Variants in PCDHGA5 observed in about 807,000 individuals in gnomAD.
PCDHGA5 encodes the protein protocadherin gamma-A5.
In PCDHGA5, 36 loss-of-function variants were observed where a neutral mutation model predicts 56.7. That is an observed-to-expected ratio of 0.64 (90% confidence interval 0.49 to 0.84). PCDHGA5 has a LOEUF of 0.84. Ranked by LOEUF, PCDHGA5 falls within the 40% of genes least tolerant of loss-of-function variation. The pLI is 0.00. For missense variants in PCDHGA5, 1,305 were observed against 1,201.5 expected, an observed-to-expected ratio of 1.09 and a Z score of -1.27; for synonymous variants, 563 against 520.2, an observed-to-expected ratio of 1.08 and a Z score of -1.12.
rs574905149 is a variant in PCDHGA5 at position 141,400,501 on chromosome 5, G to C, written c.2421+33750G>C. 1 of 1,613,878 alleles carries C rather than the reference G, an allele frequency of 6.2e-7. No homozygotes were observed. The highest frequency in any genetic ancestry group is 1.7e-5 in the Admixed American group (1 of 60,012). On this transcript the variant is annotated intron_variant, in intron 1 of 3. Transcript: ENST00000518069. ...CTTATTTCCACTTTGTAATTCCAGC[G>C]AGTCGACTTCCCATCCTGAGTTGGT...
intron 1 of PCDHGA5, among the ~76,000 whole-genome samples, chr5:141,473,611 G>C (rs2099325261): frequency 6.6e-6 from 1 of 152,140 alleles, no homozygotes; most frequent in Non-Finnish European, 1.5e-5. Context: ...GCAAAGCAAA[G>C]GGAGGGAGGA....
chr5:141,500,870 A>C (rs2099803097), intron 2 of PCDHGA5, among the ~76,000 whole-genome samples: 1 of 139,794 alleles, frequency 7.2e-6, no homozygotes, highest in African/African-American at 2.8e-5. Context: ...ATACACATTC[A>C]TTTACAATTT....
At chr5:141,509,782 C>A (rs2099878218) in intron 3 of PCDHGA5, among the ~76,000 whole-genome samples, 1 of 152,144 alleles carries the variant, frequency 6.6e-6, no homozygotes, top group Admixed American at 6.5e-5. Context: ...TCCCCGAGAT[C>A]ATCATCTCCT....
chr5:141,422,359 G>A, intron 1 of PCDHGA5: 1 of 1,558,858 alleles, frequency 6.4e-7, no homozygotes, highest in Non-Finnish European at 8.6e-7. Flanking sequence ...TCAAGATTCT[G>A]GAGAAAATGG....
At chr5:141,454,838 C>T (rs1472341694) in intron 1 of PCDHGA5, among the ~76,000 whole-genome samples, 7 of 100,814 alleles carry the variant, frequency 6.9e-5, no homozygotes, top group Non-Finnish European at 1.1e-4. Flanking sequence ...GACAGAGTCG[C>T]GCTCTGTCAC....
rs150249178 is a variant in PCDHGA5 at position 141,432,742 on chromosome 5, C to A, written c.2422-62065C>A. 154 of 1,614,076 alleles carry A rather than the reference C, an allele frequency of 9.5e-5. No individual in the cohort carries two copies. In the Middle Eastern group the frequency reaches 1.3e-3, roughly 14 times the overall value. On this transcript the variant is annotated intron_variant, in intron 1 of 3. Transcript: ENST00000518069. This position sits in a 1 kb window ranked among gnomAD's most constrained non-coding sequence, Gnocchi z 6.0. ...CTCTCTCCGCCACTGTCACGCTCAC[C>A]GTGGCCGTGGCCGACAGCATCCCCC... is the stretch of plus-strand genomic sequence containing the variant.
intron 1 of PCDHGA5, chr5:141,475,848 C>T (rs1562050268): frequency 4.4e-6 from 2 of 451,496 alleles, no homozygotes; most frequent in Non-Finnish European, 7.9e-6. Context: ...TCAGAGAGCC[C>T]GGCGCTAGCT....
chr5:141,449,484 A>G (rs1003440539), intron 1 of PCDHGA5, among the ~76,000 whole-genome samples: 2 of 150,848 alleles, frequency 1.3e-5, no homozygotes, highest in Non-Finnish European at 3.0e-5. Context: ...CCCCATGCCT[A>G]AGGGTGAGGC....
intron 1 of PCDHGA5, chr5:141,410,849 CTTTTTTTT>C (rs759346998): frequency 2.0e-4 from 27 of 138,178 alleles, no homozygotes; most frequent in Middle Eastern, 4.3e-3. Context: ...TTGTCTTTGT[CTTTTTTTT>C]TTTTTTTTTT....
intron 1 of PCDHGA5, chr5:141,393,457 C>T (rs780177231): frequency 1.9e-6 from 3 of 1,614,050 alleles, no homozygotes; most frequent in East Asian, 2.2e-5. Flanking sequence ...CTCACGGCCT[C>T]GGATGGCGGC....
chr5:141,427,628 G>A (rs1308356581), intron 1 of PCDHGA5: 2 of 700,966 alleles, frequency 2.9e-6, no homozygotes, highest in Admixed American at 2.0e-5. Flanking sequence ...ACAATGCTCC[G>A]GTTTTCCACC....
chr5:141,414,376 T>G, intron 1 of PCDHGA5: 1 of 1,613,824 alleles, frequency 6.2e-7, no homozygotes, highest in Non-Finnish European at 8.5e-7. Flanking sequence ...ATTAGAAAAG[T>G]CCATTGACAG....
rs147674746 is a variant in PCDHGA5, at chr5:141,477,348, C to G, written c.2422-17459C>G. 7 of 1,614,180 alleles carry G rather than the reference C, an allele frequency of 4.3e-6. No individual in the cohort carries two copies. Among genetic ancestry groups the G allele is most frequent in the Non-Finnish European group, 5.9e-6 (7 of 1,180,030 alleles). ...CTCAAGAATTACTTCACTTTGAAAA[C>G]CAGTGCAGACCTGGATCGGGAGACT... is the stretch of plus-strand genomic sequence containing the variant. On this transcript the variant is annotated intron_variant, in intron 1 of 3. Transcript: ENST00000518069. The surrounding 1 kb of genome is among the most constrained non-coding windows in gnomAD (Gnocchi z 4.9).
At chr5:141,436,384 CT>C (rs768914860) in intron 1 of PCDHGA5, among the ~76,000 whole-genome samples, 1 of 152,104 alleles carries the variant, frequency 6.6e-6, no homozygotes, top group Non-Finnish European at 1.5e-5. Context: ...GCTGAATAGG[CT>C]TTATTAAATA....
intron 1 of PCDHGA5, chr5:141,400,584 A>G (rs745551734): frequency 1.9e-6 from 3 of 1,609,038 alleles, no homozygotes; most frequent in Non-Finnish European, 8.5e-7. Flanking sequence ...TATTTACATG[A>G]AACTATCGTA....
At chr5:141,393,277 C>T (rs749579658) in intron 1 of PCDHGA5, 4 of 1,613,844 alleles carry the variant, frequency 2.5e-6, no homozygotes, top group Non-Finnish European at 3.4e-6. Flanking sequence ...TATCCACTCC[C>T]AGAAGCTGTT....
At chr5:141,509,968 C>A (rs1450809995) in intron 3 of PCDHGA5, among the ~76,000 whole-genome samples, 1 of 152,166 alleles carries the variant, frequency 6.6e-6, no homozygotes, top group Non-Finnish European at 1.5e-5. Context: ...TGGCCTTGGT[C>A]CTTCTAACAC....
In PCDHGA5 at chr5:141,491,244, T is replaced by G. The variant is rs754328211; in HGVS notation, c.2422-3563T>G. The G allele has an allele frequency of 6.2e-6, 10 of 1,614,092 alleles. No homozygotes were observed. The South Asian group carries it at 1.1e-4, about 18-fold the overall frequency. ...CCACAGTGCTGCTGGTTCTGGAGGA[T>G]GAGGACCCTGAGGAAATGCCCAAAT... On this transcript the variant is annotated intron_variant, in intron 1 of 3. Transcript: ENST00000518069. This position sits in a 1 kb window ranked among gnomAD's most constrained non-coding sequence, Gnocchi z 6.9.
rs191165530 is a variant in PCDHGA5 at position 141,439,134 on chromosome 5, A to T, written c.2422-55673A>T. On this transcript the variant is annotated intron_variant, in intron 1 of 3. Coordinates refer to ENST00000518069, the MANE Select transcript of PCDHGA5 (RefSeq NM_018918.3). The stretch of plus-strand genomic sequence containing the variant: ...CTTGAACCCGGGAGACAGAGGTTGC[A>T]GTGAGCTGAGATCACGCCACTGCAC... Among the ~76,000 whole-genome samples the T allele has an allele frequency of 2.4e-3, 368 of 151,344 alleles. 1 individual carries two copies. Among genetic ancestry groups the T allele is most frequent in the African/African-American group, 8.5e-3 (349 of 41,216 alleles).
Sources: allele counts gnomAD v4.1 joint callset (sites outside exome capture counted in the v4.1 genomes callset), GRCh38; gene constraint gnomAD v4.1.1; non-coding constraint Gnocchi (gnomAD v3.1); transcripts MANE v1.5; gene names NCBI Gene and HGNC (gene_info 2026-07-23, HGNC 2026-07-21).